Variants in RGS6 observed in about 807,000 individuals in gnomAD.
RGS6 encodes the protein regulator of G-protein signaling 6.
RGS6 carries 30 observed loss-of-function variants against 78.5 expected under a neutral mutation model. The ratio of observed to expected loss-of-function variants is 0.38; its 90% CI spans 0.29 to 0.52. RGS6 has a LOEUF of 0.52. Among genes scored for constraint, RGS6 ranks in the 20% least tolerant of loss-of-function variants. RGS6 has a pLI of 0.85. For synonymous variants in RGS6, 206 were observed against 206.0 expected (o/e 1.00, Z 0.00); for missense variants, 495 against 609.7 (o/e 0.81, Z 1.98).
At chr14:72,396,768 G>A (rs576582936) in intron 3 of RGS6, among the ~76,000 whole-genome samples, 99 of 148,496 alleles carry the variant, frequency 6.7e-4, no homozygotes, top group African/African-American at 2.4e-3. Flanking sequence ...CATATGTCTA[G>A]CCAGTTTTCC....
intron 2 of RGS6, among the ~76,000 whole-genome samples, chr14:72,053,600 A>T (rs1365038795): frequency 6.6e-6 from 1 of 152,212 alleles, no homozygotes; most frequent in East Asian, 1.9e-4. Flanking sequence ...GGCTCCCCAA[A>T]GTTTGAAAAC....
At chr14:72,145,867 C>A (rs183524107) in intron 2 of RGS6, among the ~76,000 whole-genome samples, 1 of 152,204 alleles carries the variant, frequency 6.6e-6, no homozygotes, top group Non-Finnish European at 1.5e-5. Flanking sequence ...TCTCATCTGT[C>A]TAGGGATAAA....
At chr14:72,467,854 C>T (rs1169404138) in intron 7 of RGS6, among the ~76,000 whole-genome samples, 1 of 152,134 alleles carries the variant, frequency 6.6e-6, no homozygotes, top group African/African-American at 2.4e-5. Flanking sequence ...CAAAAGACTG[C>T]TGTTGTACTC....
chr14:72,558,682 G>A (rs2097623218), intron 17 of RGS6, among the ~76,000 whole-genome samples: 1 of 152,168 alleles, frequency 6.6e-6, no homozygotes, highest in African/African-American at 2.4e-5. Context: ...GCGGAGGGTG[G>A]GAATTGAATG....
chr14:72,044,462 T>A (rs890686757), intron 2 of RGS6, among the ~76,000 whole-genome samples: 1 of 152,120 alleles, frequency 6.6e-6, no homozygotes, highest in East Asian at 1.9e-4. Context: ...AATGAATTCA[T>A]ATTCTCTTTC....
chr14:72,256,792 T>A (rs138846835), intron 2 of RGS6, among the ~76,000 whole-genome samples: 2 of 152,228 alleles, frequency 1.3e-5, no homozygotes, highest in African/African-American at 2.4e-5. Flanking sequence ...GTCATTGTCA[T>A]AATTTTTAGA....
At chr14:72,184,068 T>G (rs778527024) in intron 2 of RGS6, among the ~76,000 whole-genome samples, 1 of 152,090 alleles carries the variant, frequency 6.6e-6, no homozygotes, top group Non-Finnish European at 1.5e-5. Context: ...GATTGGACTT[T>G]CCTAATTAAA....
intron 9 of RGS6, among the ~76,000 whole-genome samples, chr14:72,474,414 C>T (rs1014395772): frequency 1.3e-5 from 2 of 152,172 alleles, no homozygotes; most frequent in Non-Finnish European, 2.9e-5. Context: ...ACACTATACC[C>T]TCTACATATC....
intron 1 of RGS6, among the ~76,000 whole-genome samples, chr14:71,940,948 C>T (rs1178397645): frequency 2.0e-5 from 3 of 152,226 alleles, no homozygotes; most frequent in Non-Finnish European, 2.9e-5. Context: ...GCATTTCCAG[C>T]TCACTCACAG....
At chr14:72,606,826 C>T in the RGS6 span, among the ~76,000 whole-genome samples, 1 of 152,162 alleles carries the variant, frequency 6.6e-6, no homozygotes, top group East Asian at 1.9e-4. Flanking sequence ...TATTGGTTCA[C>T]ACTAGAACTG....
chr14:72,328,429 CT>C (rs2074275544), intron 2 of RGS6, among the ~76,000 whole-genome samples: 2 of 152,208 alleles, frequency 1.3e-5, no homozygotes, highest in South Asian at 4.1e-4. Context: ...ATCAAACACT[CT>C]GTGCAAGGAG....
At chr14:72,193,715 C>T (rs2039305141) in intron 2 of RGS6, among the ~76,000 whole-genome samples, 1 of 152,188 alleles carries the variant, frequency 6.6e-6, no homozygotes, top group Non-Finnish European at 1.5e-5. Flanking sequence ...GAAAGCCTTG[C>T]AAACGAGGTG....
At chr14:72,251,104 AC>A (rs1352631715) in intron 2 of RGS6, among the ~76,000 whole-genome samples, 1 of 152,214 alleles carries the variant, frequency 6.6e-6, no homozygotes, top group East Asian at 1.9e-4. Context: ...AGCTTAATGG[AC>A]CCAAAGAGGA....
chr14:72,102,781 T>A (rs1209677423), intron 2 of RGS6, among the ~76,000 whole-genome samples: 1 of 152,234 alleles, frequency 6.6e-6, no homozygotes, highest in African/African-American at 2.4e-5. Context: ...GTTCATTATT[T>A]TAAAATACCT....
chr14:72,011,142 G>A (rs757347833), intron 2 of RGS6, among the ~76,000 whole-genome samples: 2 of 152,142 alleles, frequency 1.3e-5, no homozygotes, highest in Non-Finnish European at 1.5e-5. Flanking sequence ...GTCTCCTTCC[G>A]GTTCAGCAGA....
intron 2 of RGS6, among the ~76,000 whole-genome samples, chr14:72,272,068 A>G (rs1304477752): frequency 6.6e-6 from 1 of 152,156 alleles, no homozygotes; most frequent in Non-Finnish European, 1.5e-5. Context: ...CCCTTTTGCC[A>G]TGTAGCTGAA....
At chr14:71,917,902 G>A in the RGS6 span, among the ~76,000 whole-genome samples, 43,062 of 151,926 alleles carry the variant, frequency 0.28, 7,165 homozygotes, top group East Asian at 0.43. Flanking sequence ...GGCCGGGCGC[G>A]GTGGCTCACG....
intron 2 of RGS6, among the ~76,000 whole-genome samples, chr14:72,332,720 T>C (rs2075308747): frequency 6.6e-6 from 1 of 152,210 alleles, no homozygotes; most frequent in Non-Finnish European, 1.5e-5. Flanking sequence ...TCAGGTGAGC[T>C]TCCTTTCTCT....
At chr14:72,449,739 AGG>A (rs891754715) in intron 3 of RGS6, among the ~76,000 whole-genome samples, 2 of 152,220 alleles carry the variant, frequency 1.3e-5, no homozygotes, top group Admixed American at 6.5e-5. Context: ...GAGTCTATAA[AGG>A]GTCGCTCTGA....
Sources: allele counts gnomAD v4.1 joint callset (sites outside exome capture counted in the v4.1 genomes callset), GRCh38; gene constraint gnomAD v4.1.1; transcripts MANE v1.5; gene names NCBI Gene and HGNC (gene_info 2026-07-23, HGNC 2026-07-21).